SCAPER: variants seen among roughly 807,000 people sequenced by gnomAD.
The protein encoded by SCAPER is S phase cyclin A-associated protein in the endoplasmic reticulum.
Under a neutral mutation model 182.2 loss-of-function variants are expected in SCAPER, and 98 were observed. The observed-to-expected ratio is 0.54, with a 90% CI of 0.46 to 0.64. SCAPER has a LOEUF of 0.64. SCAPER is among the 30% of genes least tolerant of loss of function. The probability of loss-of-function intolerance (pLI) is 0.00; values close to 1 mark genes in which losing one functional copy is unlikely to be tolerated. For missense variants in SCAPER, 1,432 were observed against 1,690.0 expected, an observed-to-expected ratio of 0.85 and a Z score of 2.68; for synonymous variants, 605 against 564.6, an observed-to-expected ratio of 1.07 and a Z score of -1.01.
At chr15:76,644,957 T>C (rs1014132618) in intron 21 of SCAPER, among the ~76,000 whole-genome samples, 3 of 152,020 alleles carry the variant, frequency 2.0e-5, no homozygotes, top group African/African-American at 2.4e-5. Context: ...TCTGTAACCA[T>C]AGGTTCCGTA....
At chr15:76,552,350 C>T (rs1004655992) in intron 23 of SCAPER, among the ~76,000 whole-genome samples, 3 of 152,030 alleles carry the variant, frequency 2.0e-5, no homozygotes, top group African/African-American at 7.2e-5. Flanking sequence ...GGAGTATTTC[C>T]CACTAAAGGA....
intron 5 of SCAPER, among the ~76,000 whole-genome samples, chr15:76,809,427 C>G (rs1243977525): frequency 1.3e-5 from 2 of 151,716 alleles, no homozygotes; most frequent in African/African-American, 4.8e-5. Context: ...CAAAAAGTAC[C>G]AAACAGAGAT....
intron 22 of SCAPER, among the ~76,000 whole-genome samples, chr15:76,612,439 A>G (rs1373305787): frequency 6.6e-6 from 1 of 152,052 alleles, no homozygotes; most frequent in African/African-American, 2.4e-5. Flanking sequence ...GGGTTTTGCT[A>G]TGTTGCCCAG....
rs182477524 is a variant in SCAPER at position 76,770,446 on chromosome 15, C to T, written c.1248+1296G>A. Among the ~76,000 whole-genome samples, 116 of 152,044 alleles carry T rather than the reference C, an allele frequency of 7.6e-4. 1 individual carries two copies. In the South Asian group the frequency reaches 1.0e-2, roughly 13 times the overall value. On this transcript the variant is annotated intron_variant, in intron 10 of 31. Coordinates refer to ENST00000563290, the MANE Select transcript of SCAPER (RefSeq NM_020843.4). ...CACTTGGGAACTAAACAATAAGGTGCTTATCACCTTATCACCCTTGGTTTG... is the reference window on the plus strand; with the variant it reads ...CACTTGGGAACTAAACAATAAGGTGTTTATCACCTTATCACCCTTGGTTTG...
At chr15:76,427,098 C>A (rs2046489911) in intron 26 of SCAPER, among the ~76,000 whole-genome samples, 1 of 152,054 alleles carries the variant, frequency 6.6e-6, no homozygotes, top group South Asian at 2.1e-4. Flanking sequence ...AATGTAAAAC[C>A]TGAAACTATG....
intron 1 of SCAPER, among the ~76,000 whole-genome samples, chr15:76,890,896 G>T (rs554399102): frequency 5.3e-5 from 8 of 152,322 alleles, no homozygotes; most frequent in African/African-American, 1.9e-4. Context: ...TATCCCTGAT[G>T]AACATTGATG....
At chr15:76,416,488 CA>C (rs1414506018) in intron 26 of SCAPER, among the ~76,000 whole-genome samples, 1 of 10,440 alleles carries the variant, frequency 9.6e-5, no homozygotes, top group African/African-American at 1.3e-4. Flanking sequence ...GACTCCATCT[CA>C]AGAAAAAAAA....
rs78653067 is a variant in SCAPER, at chr15:76,431,378, C to A, written c.3311+2700G>T. On this transcript the variant is annotated intron_variant, in intron 26 of 31. Coordinates refer to ENST00000563290, the MANE Select transcript of SCAPER (RefSeq NM_020843.4). ...AATATTTCCAAGAATGGCTTAGATG[C>A]AGAAACTTGACTGAAACAAATAAAA... Among the ~76,000 whole-genome samples, 1,244 of 152,106 alleles carry A rather than the reference C, an allele frequency of 8.2e-3. 12 individuals are homozygous for A. Among genetic ancestry groups the A allele is most frequent in the African/African-American group, 0.028 (1,180 of 41,476 alleles).
chr15:76,559,662 T>C (rs1042001401), intron 23 of SCAPER, among the ~76,000 whole-genome samples: 11 of 152,244 alleles, frequency 7.2e-5, no homozygotes, highest in Middle Eastern at 3.4e-3. Context: ...AAATACCACT[T>C]CTCATTTGTA....
intron 20 of SCAPER, among the ~76,000 whole-genome samples, chr15:76,682,264 T>TCCCCCCCCCCCCCCCCCCCCCC (rs573661987): frequency 7.7e-6 from 1 of 130,518 alleles, no homozygotes; most frequent in African/African-American, 2.9e-5. Flanking sequence ...TCACCTCCCT[T>TCCCCCCCCCCCCCCCCCCCCCC]CCCCCCCCCA....
intron 26 of SCAPER, among the ~76,000 whole-genome samples, chr15:76,421,716 T>A (rs1205736885): frequency 6.6e-6 from 1 of 152,216 alleles, no homozygotes; most frequent in Non-Finnish European, 1.5e-5. Flanking sequence ...TCCTGAATGG[T>A]ATTGCCTAGG....
At chr15:76,481,738 C>T (rs555071984) in intron 24 of SCAPER, among the ~76,000 whole-genome samples, 4 of 152,318 alleles carry the variant, frequency 2.6e-5, no homozygotes, top group African/African-American at 7.2e-5. Context: ...CACTTACTTG[C>T]ATTTTATTAT....
chr15:76,398,173 T>C (rs2044215264), intron 27 of SCAPER, among the ~76,000 whole-genome samples: 1 of 152,246 alleles, frequency 6.6e-6, no homozygotes, highest in South Asian at 2.1e-4. Context: ...TGTTAAATTT[T>C]AGCTGCTCTA....
At chr15:76,608,403 C>T (rs1329340194) in intron 22 of SCAPER, among the ~76,000 whole-genome samples, 13 of 152,062 alleles carry the variant, frequency 8.5e-5, no homozygotes, top group African/African-American at 2.7e-4. Flanking sequence ...AGTACCCGGT[C>T]GTGTAAGGTG....
At chr15:76,718,229 A>G (rs146441777) in intron 17 of SCAPER, among the ~76,000 whole-genome samples, 2 of 152,212 alleles carry the variant, frequency 1.3e-5, no homozygotes, top group Non-Finnish European at 2.9e-5. Flanking sequence ...GGGACAAACA[A>G]CAATAGAAAC....
At chr15:76,660,899 A>C (rs2056096387) in intron 21 of SCAPER, among the ~76,000 whole-genome samples, 1 of 142,112 alleles carries the variant, frequency 7.0e-6, no homozygotes, top group Non-Finnish European at 1.6e-5. Flanking sequence ...GTTAATACGC[A>C]AAAAAAAAAC....
In SCAPER at chr15:76,632,408, T is replaced by A. The variant is rs185462096; in HGVS notation, c.2646-10579A>T. On this transcript the variant is annotated intron_variant, in intron 21 of 31. Transcript: ENST00000563290. ...TGGGGTTTCACAGTGTCAGCCAGGATGGTCTCAATCTCCTGACTTTGTGAT... is the reference window on the plus strand; with the variant it reads ...TGGGGTTTCACAGTGTCAGCCAGGAAGGTCTCAATCTCCTGACTTTGTGAT... Among the ~76,000 whole-genome samples the A allele has an allele frequency of 5.3e-5, 8 of 152,228 alleles. No homozygotes were observed. The East Asian group carries it at 1.4e-3, about 26-fold the overall frequency.
chr15:76,846,617 C>T (rs1006154943), intron 4 of SCAPER, among the ~76,000 whole-genome samples: 24 of 152,084 alleles, frequency 1.6e-4, no homozygotes, highest in African/African-American at 5.8e-4. Context: ...TATCACTGAT[C>T]ATCAGAGAAA....
At chr15:76,795,892 T>C (rs560115208) in intron 7 of SCAPER, among the ~76,000 whole-genome samples, 11 of 152,096 alleles carry the variant, frequency 7.2e-5, no homozygotes, top group Non-Finnish European at 1.3e-4. Context: ...TGAAATCCTG[T>C]CTCTACTAAA....
Sources: gnomAD v4.1 joint callset for allele counts (sites outside exome capture counted in the v4.1 genomes callset) on GRCh38, gnomAD v4.1.1 for gene constraint, MANE v1.5 for transcripts, NCBI Gene and HGNC (gene_info 2026-07-23, HGNC 2026-07-21) for gene names.